The following GPC6 variants were observed in gnomAD, a reference collection of about 807,000 sequenced individuals.
GPC6 encodes glypican-6.
A neutral mutation model predicts 55.2 loss-of-function variants in GPC6; 14 were observed. That is an observed-to-expected ratio of 0.25 (90% confidence interval 0.17 to 0.40). GPC6 has a LOEUF of 0.40. Ranked by LOEUF, GPC6 falls within the 10% of genes least tolerant of loss-of-function variation. The pLI is 1.00. For missense variants in GPC6, 641 were observed against 708.5 expected, an observed-to-expected ratio of 0.90 and a Z score of 1.08; for synonymous variants, 278 against 259.6, an observed-to-expected ratio of 1.07 and a Z score of -0.68.
chr13:93,285,916 A>G (rs1213567548), intron 1 of GPC6, among the ~76,000 whole-genome samples: 1 of 152,190 alleles, frequency 6.6e-6, no homozygotes, highest in African/African-American at 2.4e-5. Context: ...TTAAAAATTT[A>G]GGAGATAATA....
At chr13:93,533,951 A>G (rs1388642826) in intron 1 of GPC6, among the ~76,000 whole-genome samples, 2 of 152,032 alleles carry the variant, frequency 1.3e-5, no homozygotes, top group African/African-American at 4.8e-5. Flanking sequence ...TTGGGAAGCA[A>G]TGTTCAAACA....
At chr13:93,218,023 C>T in the GPC6 span, among the ~76,000 whole-genome samples, 9 of 152,034 alleles carry the variant, frequency 5.9e-5, no homozygotes, top group African/African-American at 2.2e-4. Flanking sequence ...AAAGGCACAT[C>T]GCCGCCTGTT....
At chr13:93,942,101 C>T (rs991007318) in intron 3 of GPC6, among the ~76,000 whole-genome samples, 3 of 152,112 alleles carry the variant, frequency 2.0e-5, no homozygotes, top group African/African-American at 7.2e-5. Flanking sequence ...AAAATTTTAT[C>T]TAAACATGAA....
Position 93,694,880 on chromosome 13 carries a change from C to T in GPC6, c.320-135274C>T, listed in dbSNP as rs74111531. ...ATTCTCACTGGGCCTTGACCAAAAT[C>T]TCAGTTGTTCTCAATTAGCCTGTTT... On this transcript the variant is annotated intron_variant, in intron 2 of 8. Coordinates refer to ENST00000377047, the MANE Select transcript of GPC6 (RefSeq NM_005708.5). Among the ~76,000 whole-genome samples the T allele has an allele frequency of 2.9e-3, 439 of 152,154 alleles. 4 individuals are homozygous for T. The highest frequency in any genetic ancestry group is 9.8e-3 in the African/African-American group (405 of 41,536).
At chr13:93,249,932 A>C (rs1374366941) in intron 1 of GPC6, among the ~76,000 whole-genome samples, 1 of 152,128 alleles carries the variant, frequency 6.6e-6, no homozygotes, top group African/African-American at 2.4e-5. Flanking sequence ...AGTTTTCCGC[A>C]GGAGCTCCCA....
intron 3 of GPC6, among the ~76,000 whole-genome samples, chr13:94,014,852 C>T (rs1882397290): frequency 6.6e-6 from 1 of 152,162 alleles, no homozygotes; most frequent in African/African-American, 2.4e-5. Flanking sequence ...ATCCATGATG[C>T]AGTATGTATC....
intron 3 of GPC6, among the ~76,000 whole-genome samples, chr13:93,995,041 G>A (rs1267164883): frequency 6.6e-6 from 1 of 152,050 alleles, no homozygotes; most frequent in Non-Finnish European, 1.5e-5. Context: ...AGAACATGAG[G>A]TTGATATAAT....
In GPC6 at chr13:93,830,389, C is replaced by T. The variant is rs1887437770; in HGVS notation, c.555C>T (p.Asp185=). 1 of 1,613,852 alleles carries T rather than the reference C, an allele frequency of 6.2e-7. No individual in the cohort carries two copies. Among genetic ancestry groups the T allele is most frequent in the Non-Finnish European group, 8.5e-7 (1 of 1,179,882 alleles). Reference sequence around the variant, plus strand: ...ACCCTCAGTATCACTTCAGTGAAGACTACCTGGAATGTGTGAGCAAATACA... The same window carrying T: ...ACCCTCAGTATCACTTCAGTGAAGATTACCTGGAATGTGTGAGCAAATACA... ...LINPQYHFSE[D]YLECVSKYTD... The change falls in exon 3 of 9, where the codon GAC becomes GAT. Residue 185 remains aspartate, a synonymous_variant. Coordinates refer to ENST00000377047, the MANE Select transcript of GPC6 (RefSeq NM_005708.5).
chr13:94,085,197 C>T, intron 4 of GPC6, among the ~76,000 whole-genome samples: 1 of 151,466 alleles, frequency 6.6e-6, no homozygotes, highest in Non-Finnish European at 1.5e-5. Flanking sequence ...TGGTGTGTGC[C>T]TGTAATCCCA....
At chr13:94,275,079 G>A (rs570345414) in intron 4 of GPC6, among the ~76,000 whole-genome samples, 1 of 152,104 alleles carries the variant, frequency 6.6e-6, no homozygotes, top group Non-Finnish European at 1.5e-5. Flanking sequence ...AATACAGAAA[G>A]ATTTTTAAAA....
chr13:93,303,037 G>T (rs957311451), intron 1 of GPC6, among the ~76,000 whole-genome samples: 1 of 152,100 alleles, frequency 6.6e-6, no homozygotes, highest in Admixed American at 6.5e-5. Context: ...TATAACTAGG[G>T]ACTCTCCAGT....
At chr13:93,637,548 A>G (rs960539929) in intron 2 of GPC6, among the ~76,000 whole-genome samples, 1 of 152,126 alleles carries the variant, frequency 6.6e-6, no homozygotes, top group Non-Finnish European at 1.5e-5. Context: ...CATGTGAAAT[A>G]TGGAACAGAT....
At chr13:93,817,955 C>A (rs1886917594) in intron 2 of GPC6, among the ~76,000 whole-genome samples, 3 of 145,794 alleles carry the variant, frequency 2.1e-5, no homozygotes, top group African/African-American at 5.0e-5. Context: ...TTAGTTATAC[C>A]TATATATATA....
intron 1 of GPC6, among the ~76,000 whole-genome samples, chr13:93,453,678 C>G (rs537734616): frequency 6.6e-6 from 1 of 151,498 alleles, no homozygotes; most frequent in Admixed American, 6.6e-5. Context: ...CAGACCTTCG[C>G]GGTGTGTGTT....
intron 3 of GPC6, among the ~76,000 whole-genome samples, chr13:93,877,056 G>T (rs1403688409): frequency 1.3e-5 from 2 of 151,818 alleles, no homozygotes; most frequent in South Asian, 4.2e-4. Flanking sequence ...TGTAGGAATG[G>T]GTATATCTTC....
At chr13:93,876,494 G>C (rs1017812084) in intron 3 of GPC6, among the ~76,000 whole-genome samples, 1 of 151,970 alleles carries the variant, frequency 6.6e-6, no homozygotes, top group Non-Finnish European at 1.5e-5. Flanking sequence ...AAAGACGTAT[G>C]GTCTAGATTA....
chr13:93,320,482 A>G (rs1003755827), intron 1 of GPC6, among the ~76,000 whole-genome samples: 1 of 152,002 alleles, frequency 6.6e-6, no homozygotes, highest in Non-Finnish European at 1.5e-5. Context: ...TTTTGAGAGG[A>G]AACGAATTAT....
chr13:93,835,708 C>T (rs1219245238), intron 3 of GPC6, among the ~76,000 whole-genome samples: 2 of 152,042 alleles, frequency 1.3e-5, no homozygotes, highest in East Asian at 1.9e-4. Context: ...GCCAAGATCA[C>T]GCCATTGCAC....
chr13:93,377,759 T>C (rs566886702), intron 1 of GPC6, among the ~76,000 whole-genome samples: 1 of 152,184 alleles, frequency 6.6e-6, no homozygotes, highest in African/African-American at 2.4e-5. Flanking sequence ...CTATTTAAAA[T>C]AGGAGATAAA....
Sources: gnomAD v4.1 joint callset for allele counts (sites outside exome capture counted in the v4.1 genomes callset) on GRCh38, gnomAD v4.1.1 for gene constraint, MANE v1.5 for transcripts, NCBI Gene and HGNC (gene_info 2026-07-23, HGNC 2026-07-21) for gene names.